The following LRRTM4 variants were observed in gnomAD, a reference collection of about 807,000 sequenced individuals.
LRRTM4 encodes the protein leucine-rich repeat transmembrane neuronal protein 4.
A neutral mutation model predicts 47.6 loss-of-function variants in LRRTM4; 25 were observed. That is an observed-to-expected ratio of 0.53 (90% CI 0.38 to 0.73). The LOEUF is 0.73. Ranked by LOEUF, LRRTM4 falls within the 30% of genes least tolerant of loss-of-function variation. The pLI, the probability that LRRTM4 is intolerant of heterozygous loss-of-function variation, is 0.00. For synonymous variants in LRRTM4, 311 were observed against 269.5 expected (o/e 1.15, Z -1.51); for missense variants, 638 against 713.4 (o/e 0.89, Z 1.20).
At chr2:76,989,436 T>C (rs555355891) in intron 3 of LRRTM4, among the ~76,000 whole-genome samples, 6 of 152,042 alleles carry the variant, frequency 3.9e-5, no homozygotes, top group East Asian at 3.9e-4. Context: ...AAATTTTGAA[T>C]CTGCAACTGT....
chr2:77,217,014 G>A (rs1047901885), intron 3 of LRRTM4, among the ~76,000 whole-genome samples: 7 of 151,060 alleles, frequency 4.6e-5, no homozygotes, highest in East Asian at 2.0e-4. Flanking sequence ...CAGAGGTTGC[G>A]GTGAGCCGAG....
intron 3 of LRRTM4, among the ~76,000 whole-genome samples, chr2:76,779,392 G>GAC (rs1674220065): frequency 2.0e-5 from 3 of 150,862 alleles, no homozygotes; most frequent in African/African-American, 7.3e-5. Context: ...ATGTATGGGA[G>GAC]TCTAAGTCTC....
chr2:77,018,083 G>A (rs1038279560), intron 3 of LRRTM4, among the ~76,000 whole-genome samples: 1 of 151,784 alleles, frequency 6.6e-6, no homozygotes, highest in Non-Finnish European at 1.5e-5. Context: ...ATTGTTTAAT[G>A]TAAGAAAGAA....
chr2:77,055,185 C>G (rs1157994710), intron 3 of LRRTM4, among the ~76,000 whole-genome samples: 3 of 133,548 alleles, frequency 2.2e-5, no homozygotes, highest in Admixed American at 7.5e-5. Flanking sequence ...GCCTGCCCTG[C>G]TGCTTTCTCC....
At chr2:77,052,650 G>A (rs928610712) in intron 3 of LRRTM4, among the ~76,000 whole-genome samples, 1 of 151,714 alleles carries the variant, frequency 6.6e-6, no homozygotes, top group Non-Finnish European at 1.5e-5. Flanking sequence ...TATATAACAG[G>A]TTTTATTATA....
chr2:76,834,106 T>C (rs1199765759), intron 3 of LRRTM4, among the ~76,000 whole-genome samples: 2 of 151,698 alleles, frequency 1.3e-5, no homozygotes, highest in East Asian at 3.9e-4. Flanking sequence ...AGTGGCACCA[T>C]CTTGGCTCAC....
At chr2:76,921,135 C>T (rs11901979) in intron 3 of LRRTM4, among the ~76,000 whole-genome samples, 34,547 of 152,024 alleles carry the variant, frequency 0.23, 4,107 homozygotes, top group Admixed American at 0.29. Context: ...GATACAATCA[C>T]ACATTTAGTC....
chr2:77,196,878 G>A (rs1460570798), intron 3 of LRRTM4, among the ~76,000 whole-genome samples: 1 of 152,154 alleles, frequency 6.6e-6, no homozygotes, highest in African/African-American at 2.4e-5. Context: ...TTGTTGAAAT[G>A]TCAGGATGGC....
At chr2:77,086,383 A>G (rs992101726) in intron 3 of LRRTM4, among the ~76,000 whole-genome samples, 6 of 143,746 alleles carry the variant, frequency 4.2e-5, no homozygotes, top group African/African-American at 1.4e-4. Flanking sequence ...TAAATTTTGC[A>G]TATTTTTTAC....
chr2:77,125,515 T>C (rs1332781868), intron 3 of LRRTM4, among the ~76,000 whole-genome samples: 1 of 152,114 alleles, frequency 6.6e-6, no homozygotes. Context: ...CCTTTGTCAT[T>C]AGGATAATTA....
chr2:77,522,079 G>T (rs970653618), intron 1 of LRRTM4, 30 bp downstream of exon 1: 3 of 715,574 alleles, frequency 4.2e-6, no homozygotes, highest in Non-Finnish European at 7.8e-6. Flanking sequence ...TCTGTAAAAA[G>T]AGAGGAAAAA....
chr2:76,822,956 G>T (rs116733306), intron 3 of LRRTM4, among the ~76,000 whole-genome samples: 1 of 151,138 alleles, frequency 6.6e-6, no homozygotes, highest in East Asian at 1.9e-4. Context: ...AAAACAATGC[G>T]CACAAAACCT....
At chr2:77,070,379 C>A (rs1680110854) in intron 3 of LRRTM4, among the ~76,000 whole-genome samples, 1 of 152,090 alleles carries the variant, frequency 6.6e-6, no homozygotes, top group South Asian at 2.1e-4. Context: ...GAAGTCCTTT[C>A]TCTGCCATTT....
intron 3 of LRRTM4, among the ~76,000 whole-genome samples, chr2:76,871,781 G>C (rs567872134): frequency 6.6e-6 from 1 of 152,128 alleles, no homozygotes; most frequent in Non-Finnish European, 1.5e-5. Context: ...CTCCTTTACT[G>C]GCTTTTATGA....
chr2:77,064,455 T>C (rs529614370), intron 3 of LRRTM4, among the ~76,000 whole-genome samples: 2 of 152,320 alleles, frequency 1.3e-5, no homozygotes, highest in African/African-American at 4.8e-5. Flanking sequence ...AGTTGGCATT[T>C]TCTTCCTCTT....
intron 3 of LRRTM4, among the ~76,000 whole-genome samples, chr2:76,896,101 T>C (rs774486352): frequency 2.0e-5 from 3 of 152,088 alleles, no homozygotes; most frequent in African/African-American, 7.2e-5. Flanking sequence ...ATTTATTACA[T>C]AGATGAACCC....
chr2:77,327,682 A>C (rs1670827504), intron 3 of LRRTM4, among the ~76,000 whole-genome samples: 1 of 152,148 alleles, frequency 6.6e-6, no homozygotes, highest in South Asian at 2.1e-4. Flanking sequence ...TAATTATAGA[A>C]AGGCCTACCT....
At chr2:76,926,234 A>C (rs1335971413) in intron 3 of LRRTM4, among the ~76,000 whole-genome samples, 2 of 152,180 alleles carry the variant, frequency 1.3e-5, no homozygotes, top group Non-Finnish European at 2.9e-5. Context: ...TGATTAACAA[A>C]GAACTTTAAA....
At chr2:76,881,702 TG>T (rs1314600404) in intron 3 of LRRTM4, among the ~76,000 whole-genome samples, 1 of 152,048 alleles carries the variant, frequency 6.6e-6, no homozygotes, top group Non-Finnish European at 1.5e-5. Context: ...TTAGCTAAGA[TG>T]AAAAAAAGTA....
Sources: gnomAD v4.1 joint callset for allele counts (sites outside exome capture counted in the v4.1 genomes callset) on GRCh38, gnomAD v4.1.1 for gene constraint, MANE v1.5 for transcripts, NCBI Gene and HGNC (gene_info 2026-07-23, HGNC 2026-07-21) for gene names.